Variants in NBAS observed in about 807,000 individuals in gnomAD.
NBAS encodes NAG/BC035112 fusion.
In NBAS, 219 loss-of-function variants were observed where a neutral mutation model predicts 302.5. The observed-to-expected ratio is 0.72, with a 90% confidence interval of 0.65 to 0.81. The LOEUF is 0.81. Among genes scored for constraint, NBAS ranks in the 30% least tolerant of loss-of-function variants. NBAS has a pLI of 0.00. For missense variants in NBAS, 2,932 were observed against 2,841.6 expected (o/e 1.03, Z -0.72); for synonymous variants, 1,118 against 1,021.6 (o/e 1.09, Z -1.80).
chr2:14,926,607 G>A, the NBAS span, among the ~76,000 whole-genome samples: 43 of 152,158 alleles, frequency 2.8e-4, no homozygotes, highest in African/African-American at 9.2e-4. Flanking sequence ...AATTTACCAC[G>A]TTAGCCATTT....
chr2:15,552,816 C>T (rs1204803830), intron 5 of NBAS, among the ~76,000 whole-genome samples: 2 of 142,226 alleles, frequency 1.4e-5, no homozygotes, highest in African/African-American at 5.3e-5. Context: ...TTTTTTGAGA[C>T]AGAGTCTCGC....
chr2:15,318,183 C>T, intron 38 of NBAS, among the ~76,000 whole-genome samples: 1 of 152,174 alleles, frequency 6.6e-6, no homozygotes, highest in Non-Finnish European at 1.5e-5. Context: ...AAATCCTTTA[C>T]AGACAAGCAA....
chr2:15,357,444 T>C (rs1270632184), intron 32 of NBAS, among the ~76,000 whole-genome samples: 1 of 152,164 alleles, frequency 6.6e-6, no homozygotes, highest in African/African-American at 2.4e-5. Context: ...TAAGTTTACT[T>C]TTAACAAGCC....
the NBAS span, among the ~76,000 whole-genome samples, chr2:14,793,325 A>C: frequency 6.6e-6 from 1 of 152,134 alleles, no homozygotes. Flanking sequence ...ATCTATTATA[A>C]ATTCTTTTTT....
the NBAS span, among the ~76,000 whole-genome samples, chr2:14,813,845 T>G: frequency 4.5e-3 from 681 of 152,206 alleles, 4 homozygotes; most frequent in African/African-American, 0.015. Flanking sequence ...TTCAGAAAAC[T>G]TCTTGGCAGC....
chr2:15,395,244 G>A (rs551559780), intron 27 of NBAS, among the ~76,000 whole-genome samples: 5 of 152,090 alleles, frequency 3.3e-5, no homozygotes, highest in Middle Eastern at 3.4e-3. Flanking sequence ...AATAAATTAC[G>A]TTTATTTCAC....
At chr2:15,354,190 TA>T (rs1247704627) in intron 33 of NBAS, among the ~76,000 whole-genome samples, 3 of 152,170 alleles carry the variant, frequency 2.0e-5, no homozygotes, top group Non-Finnish European at 4.4e-5. Flanking sequence ...AAAGCACATG[TA>T]AACTGCAAAG....
chr2:15,376,827 C>A (rs1320578864), intron 30 of NBAS, among the ~76,000 whole-genome samples: 1 of 151,878 alleles, frequency 6.6e-6, no homozygotes, highest in Admixed American at 6.6e-5. Context: ...TAAAATACAC[C>A]CAGGCTCACA....
the NBAS span, among the ~76,000 whole-genome samples, chr2:15,074,912 A>G: frequency 1.3e-5 from 2 of 152,204 alleles, no homozygotes; most frequent in Non-Finnish European, 2.9e-5. Flanking sequence ...ATCCTTTCTC[A>G]CTTGTCAGAA....
At chr2:14,786,261 T>C in the NBAS span, among the ~76,000 whole-genome samples, 3 of 152,100 alleles carry the variant, frequency 2.0e-5, no homozygotes, top group Admixed American at 6.5e-5. Flanking sequence ...GTTGATCCTT[T>C]CAAAAAACCA....
chr2:15,482,439 G>A (rs1282355704), intron 12 of NBAS, among the ~76,000 whole-genome samples: 1 of 152,132 alleles, frequency 6.6e-6, no homozygotes, highest in Non-Finnish European at 1.5e-5. Flanking sequence ...TTCTGAAGGT[G>A]CCTGTGTCAT....
At chr2:15,521,059 T>C (rs1662647479) in intron 9 of NBAS, among the ~76,000 whole-genome samples, 1 of 152,272 alleles carries the variant, frequency 6.6e-6, no homozygotes, top group Non-Finnish European at 1.5e-5. Flanking sequence ...GTCAATTCAA[T>C]GTCAATTCAG....
rs549334003 is a variant in NBAS at position 15,360,642 on chromosome 2, G to A, written c.3818-4226C>T. Among the ~76,000 whole-genome samples the A allele has an allele frequency of 5.1e-5, 7 of 138,478 alleles. No homozygotes were observed. The South Asian group carries it at 1.6e-3, about 32-fold the overall frequency. 90.8% of individuals were successfully genotyped at this position (138,478 alleles called of 152,430 possible). ...TGGGATTAGAAGTCTGAGCCGCCAT[G>A]ACCAGCCTTTTTTTTTTTTTTTTTT... is the stretch of plus-strand genomic sequence containing the variant. On this transcript the variant is annotated intron_variant, in intron 32 of 51. Coordinates refer to ENST00000281513, the MANE Select transcript of NBAS (RefSeq NM_015909.4).
intron 44 of NBAS, among the ~76,000 whole-genome samples, chr2:15,259,147 T>A (rs1013150540): frequency 3.7e-4 from 56 of 152,302 alleles, no homozygotes; most frequent in Middle Eastern, 3.4e-3. Context: ...ATAGATTTTT[T>A]AAAAAAACCC....
intron 9 of NBAS, among the ~76,000 whole-genome samples, chr2:15,524,071 C>T (rs912129593): frequency 1.2e-4 from 18 of 152,316 alleles, no homozygotes; most frequent in Middle Eastern, 3.4e-3. Context: ...GCATCATTTA[C>T]ATCATCTTAT....
intron 35 of NBAS, among the ~76,000 whole-genome samples, chr2:15,343,608 A>G (rs2148275403): frequency 1.3e-5 from 2 of 152,232 alleles, no homozygotes; most frequent in Middle Eastern, 6.8e-3. Context: ...TATTCTATTA[A>G]TTTTTATTGT....
chr2:15,162,061 C>T (rs1010161429), downstream of NBAS, among the ~76,000 whole-genome samples: 1 of 152,162 alleles, frequency 6.6e-6, no homozygotes, highest in Non-Finnish European at 1.5e-5. Flanking sequence ...AGCCTAACAA[C>T]AGCAGAGAGG....
intron 28 of NBAS, among the ~76,000 whole-genome samples, chr2:15,387,742 C>G (rs564000178): frequency 2.0e-5 from 3 of 152,064 alleles, no homozygotes; most frequent in African/African-American, 7.3e-5. Flanking sequence ...AGCGATTCTC[C>G]AGCCTCAGCC....
the NBAS span, among the ~76,000 whole-genome samples, chr2:14,809,109 C>G: frequency 1.3e-5 from 2 of 152,132 alleles, no homozygotes. Context: ...ATAAGGGGAG[C>G]AGGGCATAAA....
Sources: gnomAD v4.1 joint callset for allele counts (sites outside exome capture counted in the v4.1 genomes callset) on GRCh38, gnomAD v4.1.1 for gene constraint, MANE v1.5 for transcripts, NCBI Gene and HGNC (gene_info 2026-07-23, HGNC 2026-07-21) for gene names.